Variants in LYPD8 observed in about 807,000 individuals in gnomAD.
LYPD8 encodes LY6/PLAUR domain containing 8.
Under a neutral mutation model 1.7 loss-of-function variants are expected in LYPD8, and 8 were observed. That is an observed-to-expected ratio of 4.58 (90% CI 2.69 to 8.27). LYPD8 has a LOEUF of 8.27. LYPD8 is among the 30% of genes most tolerant of loss of function. The pLI, the probability that LYPD8 is intolerant of heterozygous loss-of-function variation, is 0.00. For synonymous variants in LYPD8, 50 were observed against 43.6 expected, an observed-to-expected ratio of 1.15 and a Z score of -0.58; for missense variants, 112 against 102.3, an observed-to-expected ratio of 1.09 and a Z score of -0.41.
intron 5 of LYPD8, among the ~76,000 whole-genome samples, chr1:248,746,611 G>A (rs1189521670): frequency 2.8e-5 from 4 of 143,610 alleles, no homozygotes; most frequent in Non-Finnish European, 4.6e-5. Flanking sequence ...CCCACCCAGG[G>A]CATCCCCCGC....
At chr1:248,752,812 C>CA (rs1275771447) in intron 2 of LYPD8, among the ~76,000 whole-genome samples, 1,587 of 113,568 alleles carry the variant, frequency 0.014, 107 homozygotes, top group East Asian at 0.025. Flanking sequence ...CCACAACACA[C>CA]ACACATCACA....
intron 2 of LYPD8, among the ~76,000 whole-genome samples, chr1:248,752,789 C>T (rs1662830487): frequency 2.0e-5 from 2 of 99,072 alleles, no homozygotes; most frequent in African/African-American, 5.2e-5. Flanking sequence ...ACACACCACA[C>T]ACACACCACA....
intron 6 of LYPD8, among the ~76,000 whole-genome samples, chr1:248,742,250 G>A (rs1572152304): frequency 1.5e-5 from 2 of 137,326 alleles, no homozygotes; most frequent in South Asian, 5.0e-4. Context: ...TTGGCAGCCG[G>A]GGGAGGTTAC....
Position 248,739,532 on chromosome 1 carries a change from G to T in LYPD8, c.*79C>A. 6.5e-7 allele frequency: 1 copy of T among 1,536,756 alleles called. No homozygotes were observed. The highest frequency in any genetic ancestry group is 8.8e-7 in the Non-Finnish European group (1 of 1,138,810). Reference sequence around the variant, plus strand: ...TTAAACGGGGCAGAGCAGGGAAAGAGGGTGTCAGCACCGCAGGGGGTGCTC... The same window carrying T: ...TTAAACGGGGCAGAGCAGGGAAAGATGGTGTCAGCACCGCAGGGGGTGCTC... On this transcript the variant is annotated 3_prime_UTR_variant, in exon 7 of 7. Coordinates refer to ENST00000590317, the MANE Select transcript of LYPD8 (RefSeq NM_001085474.2). This position sits in a 1 kb window ranked among gnomAD's most constrained non-coding sequence, Gnocchi z 4.3.
rs112389495 is a variant in LYPD8 at position 248,740,166 on chromosome 1, C to T, written c.476-317G>A. On this transcript the variant is annotated intron_variant, in intron 6 of 6. Coordinates refer to ENST00000590317, the MANE Select transcript of LYPD8 (RefSeq NM_001085474.2). ...AGCTGGACCTGGGACTCACATCTCC[C>T]GTGTTCCTGTGTAGCTGGAAGGTGA... Among the ~76,000 whole-genome samples, 1,504 of 152,304 alleles carry T rather than the reference C, an allele frequency of 9.9e-3. 17 individuals are homozygous for T. Among genetic ancestry groups the T allele is most frequent in the South Asian group, 0.024 (118 of 4,826 alleles).
At chr1:248,753,520 ACACCC>A (rs1662868598) in intron 2 of LYPD8, among the ~76,000 whole-genome samples, 2 of 126,416 alleles carry the variant, frequency 1.6e-5, no homozygotes, top group Non-Finnish European at 3.3e-5. Context: ...CACACATCAC[ACACCC>A]CACACAACAC....
intron 5 of LYPD8, among the ~76,000 whole-genome samples, chr1:248,746,619 CGCACGGCCAGCACCCACCCAGG>C: frequency 7.5e-6 from 1 of 132,622 alleles, no homozygotes; most frequent in Admixed American, 7.8e-5. Flanking sequence ...GGGCATCCCC[CGCACGGCCAGCACCCACCCAGG>C]GCATCGCCCG....
At chr1:248,742,566 G>A (rs541705424) in intron 6 of LYPD8, among the ~76,000 whole-genome samples, 6 of 82,334 alleles carry the variant, frequency 7.3e-5, no homozygotes, top group East Asian at 3.9e-4. Context: ...GTTGGCAGCC[G>A]GGGAGATTAT....
In LYPD8 at chr1:248,755,719, C is replaced by T. The variant is rs988329004; in HGVS notation, c.-212G>A. The T allele has an allele frequency of 0.091, 13,795 of 152,400 alleles. 821 individuals carry two copies. The highest frequency in any genetic ancestry group is 0.25 in the East Asian group (1,304 of 5,182). 9.4% of individuals were successfully genotyped at this position (152,400 alleles called of 1,614,324 possible). ...AGTCCTCTCACCTTCTGGATCTGGC[C>T]TGGTGACTGTCCTACAGAAGGTGGT... is the stretch of plus-strand genomic sequence containing the variant. On this transcript the variant is annotated 5_prime_UTR_variant, in exon 1 of 7. Coordinates refer to ENST00000590317, the MANE Select transcript of LYPD8 (RefSeq NM_001085474.2).
chr1:248,748,644 T>C (rs1662750770), intron 4 of LYPD8, among the ~76,000 whole-genome samples, 191 bp from the exon 5 acceptor site: 2 of 152,222 alleles, frequency 1.3e-5, no homozygotes, highest in African/African-American at 2.4e-5. Context: ...ACCCCTCCTT[T>C]GAGCAGGAGG....
In LYPD8 at chr1:248,748,546, C is replaced by T. The variant is rs1052185980; in HGVS notation, c.173-93G>A. 9.9e-4 allele frequency: 394 copies of T among 397,486 alleles called. 1 individual carries two copies. Among genetic ancestry groups the T allele is most frequent in the African/African-American group, 7.1e-3 (345 of 48,696 alleles). The allele number at this position is 397,486 out of a possible 1,614,324, so 24.6% of individuals were successfully genotyped here. A position where few individuals can be genotyped will look rare whatever the true frequency, so the allele number is the denominator to read the frequency against. ...GAATAGCAACTGTTTCAGGCAAAGG[C>T]AGAAAATGCAACCTCAGTATCATGC... On this transcript the variant is annotated intron_variant, in intron 4 of 6. Transcript: ENST00000590317.
At position 248,739,937 on chromosome 1, in the gene LYPD8, G is replaced by A; in HGVS notation, c.476-88C>T. On this transcript the variant is annotated intron_variant, in intron 6 of 6. Transcript: ENST00000590317. This position sits in a 1 kb window ranked among gnomAD's most constrained non-coding sequence, Gnocchi z 4.3. ...CTCTTAGTTCTTCACCTGCAGCACG[G>A]TGGCCCGGTGACCAGCAAGAGCTGG... 1.3e-6 allele frequency: 2 copies of A among 1,504,370 alleles called. No homozygotes were observed. The highest frequency in any genetic ancestry group is 8.9e-7 in the Non-Finnish European group (1 of 1,120,042). The allele number at this position is 1,504,370 out of a possible 1,614,324, so 93.2% of individuals were successfully genotyped here.
intron 2 of LYPD8, among the ~76,000 whole-genome samples, chr1:248,752,375 C>T (rs1435841490): frequency 1.3e-5 from 2 of 152,018 alleles, no homozygotes; most frequent in Admixed American, 6.5e-5. Flanking sequence ...AGCCAGTGCT[C>T]TATTCCAGGT....
chr1:248,743,168 T>C (rs373964749), intron 6 of LYPD8, among the ~76,000 whole-genome samples: 78 of 151,964 alleles, frequency 5.1e-4, no homozygotes, highest in African/African-American at 1.7e-3. Flanking sequence ...AAAAAAACAG[T>C]ATAAAGAGGT....
In LYPD8 at chr1:248,748,407, G is replaced by T; in HGVS notation, c.219C>A (p.Asn73Lys). Reference protein sequence around the residue: ...LYQNMFCSAENCSEETHITAF... With the variant: ...LYQNMFCSAEKCSEETHITAF... ...CTGTAATGTGTGTCTCCTCACTGCA[G>T]TTCTCCGCTGAGCAGAACATATTCT... Residue 73 changes from asparagine to lysine, a missense_variant, in exon 5 of 7, where the codon AAC (asparagine) becomes AAA (lysine). Physicochemically the swap from Asn to Lys is moderately conservative, Grantham distance 94. Coordinates refer to ENST00000590317, the MANE Select transcript of LYPD8 (RefSeq NM_001085474.2). 4.7e-6 allele frequency: 2 copies of T among 428,584 alleles called. No individual in the cohort carries two copies. The highest frequency in any genetic ancestry group is 1.5e-4 in the South Asian group (2 of 13,450). The allele number at this position is 428,584 out of a possible 1,614,324, so 26.5% of individuals were successfully genotyped here. A position where few individuals can be genotyped will look rare whatever the true frequency, so the allele number is the denominator to read the frequency against.
rs539062870 is a variant in LYPD8 at position 248,739,544 on chromosome 1, C to G, written c.*67G>C. On this transcript the variant is annotated 3_prime_UTR_variant, in exon 7 of 7. Transcript: ENST00000590317. This position sits in a 1 kb window ranked among gnomAD's most constrained non-coding sequence, Gnocchi z 4.3. ...GAGCAGGGAAAGAGGGTGTCAGCACCGCAGGGGGTGCTCTGGACCTCAGAG... is the reference window on the plus strand; with the variant it reads ...GAGCAGGGAAAGAGGGTGTCAGCACGGCAGGGGGTGCTCTGGACCTCAGAG... 6.5e-7 allele frequency: 1 copy of G among 1,545,616 alleles called. No homozygotes were observed. The highest frequency in any genetic ancestry group is 1.4e-5 in the African/African-American group (1 of 72,896).
chr1:248,752,310 C>A (rs906328774), intron 2 of LYPD8, among the ~76,000 whole-genome samples: 1 of 151,968 alleles, frequency 6.6e-6, no homozygotes, highest in African/African-American at 2.4e-5. Context: ...GGTGAGAAAC[C>A]TGCAGCACAG....
At chr1:248,755,511 C>G (rs1662906272) in intron 1 of LYPD8, 125 bp from the exon 2 acceptor site, 1 of 152,844 alleles carries the variant, frequency 6.5e-6, no homozygotes, top group South Asian at 2.1e-4. Context: ...AAAACTACAT[C>G]CCCAGCCCAC....
chr1:248,748,453 T>C lies in LYPD8; in HGVS notation c.173A>G (p.Glu58Gly), dbSNP rs992903067. The C allele has an allele frequency of 1.3e-4, 53 of 405,090 alleles. No homozygotes were observed. In the South Asian group the frequency reaches 1.4e-3, roughly 11 times the overall value. The allele number at this position is 405,090 out of a possible 1,614,324, so 25.1% of individuals were successfully genotyped here. A position where few individuals can be genotyped will look rare whatever the true frequency, so the allele number is the denominator to read the frequency against. ...CISSSASSSL[E>G]TPVRLYQNMF... ...ATTCTGGTATAATCTGACTGGTGTC[T>C]CTACACAAAGACAAACACAGACTGT... is the stretch of plus-strand genomic sequence containing the variant. Residue 58 changes from glutamate to glycine, a missense_variant and splice_region_variant, in exon 5 of 7, where the codon GAG becomes GGG. Coordinates refer to ENST00000590317, the MANE Select transcript of LYPD8 (RefSeq NM_001085474.2).
Sources: allele counts gnomAD v4.1 joint callset (sites outside exome capture counted in the v4.1 genomes callset), GRCh38; gene constraint gnomAD v4.1.1; non-coding constraint Gnocchi (gnomAD v3.1); transcripts MANE v1.5; gene names NCBI Gene and HGNC (gene_info 2026-07-23, HGNC 2026-07-21).